Variants in DUOXA2 observed in about 807,000 individuals in gnomAD.
The protein encoded by DUOXA2 is dual oxidase maturation factor 2.
A neutral mutation model predicts 27.6 loss-of-function variants in DUOXA2; 22 were observed. The observed-to-expected ratio is 0.80, with a 90% confidence interval of 0.57 to 1.14. The LOEUF (loss-of-function observed/expected upper bound fraction) is 1.14, where lower values mean the gene tolerates loss of function less well. DUOXA2 is among the 50% of genes most tolerant of loss of function. The pLI is 0.00. For synonymous variants in DUOXA2, 188 were observed against 184.4 expected (o/e 1.02, Z -0.16); for missense variants, 481 against 419.9 (o/e 1.15, Z -1.27).
Position 45,116,688 on chromosome 15 carries a change from C to G in DUOXA2, c.513C>G (p.His171Gln). The G allele has an allele frequency of 1.2e-6, 2 of 1,613,698 alleles. No individual in the cohort carries two copies. The highest frequency in any genetic ancestry group is 1.7e-6 in the Non-Finnish European group (2 of 1,180,048). The change falls in exon 4 of 6, where the codon CAC becomes CAG. Residue 171 changes from histidine (H) to glutamine (Q), a missense_variant. His to Gln is a conservative substitution (Grantham distance 24, BLOSUM62 0). Coordinates refer to ENST00000323030, the MANE Select transcript of DUOXA2 (RefSeq NM_207581.4). ...CGAGTAGCCCTTGCGGCCTGTACCA[C>G]CAGTACCACCTGGCGGGACACTACG... ...FTPSSPCGLY[H>Q]QYHLAGHYAS...
At chr15:45,117,428 C>G (rs1022768283) in intron 5 of DUOXA2, 123 bp downstream of exon 5, 29 of 1,522,898 alleles carry the variant, frequency 1.9e-5, no homozygotes, top group Admixed American at 4.1e-5. Context: ...CTCAATAGTT[C>G]GCAGAAACAG....
intron 1 of DUOXA2, 84 bp downstream of exon 1, chr15:45,114,836 T>C (rs1894563614): frequency 6.3e-7 from 1 of 1,594,866 alleles, no homozygotes; most frequent in African/African-American, 1.3e-5. Flanking sequence ...CAGGTAAGAC[T>C]GTACAAGAGC....
Position 45,114,389 on chromosome 15 carries a change from G to T in DUOXA2, c.-217G>T, listed in dbSNP as rs924946430. On this transcript the variant is annotated 5_prime_UTR_variant, in exon 1 of 6. Coordinates refer to ENST00000323030, the MANE Select transcript of DUOXA2 (RefSeq NM_207581.4). ...ACAGTGAGAAATAGTTTCGCTCGCC[G>T]GCTAGAAAAACTCTGTCGGTACCAA... The T allele has an allele frequency of 1.6e-6, 1 of 616,150 alleles. No individual in the cohort carries two copies. Among genetic ancestry groups the T allele is most frequent in the East Asian group, 2.8e-5 (1 of 35,610 alleles). 38.2% of individuals were successfully genotyped at this position (616,150 alleles called of 1,614,324 possible). A position where few individuals can be genotyped will look rare whatever the true frequency, so the allele number is the denominator to read the frequency against.
intron 3 of DUOXA2, 28 bp downstream of exon 3, chr15:45,116,286 C>A: frequency 6.2e-7 from 1 of 1,612,100 alleles, no homozygotes; most frequent in Non-Finnish European, 8.5e-7. Flanking sequence ...AAATGAACTC[C>A]TGGAGCTGGG....
intron 4 of DUOXA2, 23 bp from the exon 5 acceptor site, chr15:45,117,068 C>A (rs1213900638): frequency 1.3e-6 from 2 of 1,595,818 alleles, no homozygotes; most frequent in African/African-American, 1.3e-5. Flanking sequence ...CCGCTCACAG[C>A]GGGTCCCCCC....
At chr15:45,116,791 C>G (rs1894656931) in intron 4 of DUOXA2, 62 bp downstream of exon 4, 1 of 1,573,466 alleles carries the variant, frequency 6.4e-7, no homozygotes, top group Admixed American at 1.8e-5. Context: ...GCCGTATGAG[C>G]GGGAGGATGC....
intron 1 of DUOXA2, among the ~76,000 whole-genome samples, chr15:45,114,957 A>G (rs1179154657): frequency 6.6e-6 from 1 of 152,190 alleles, no homozygotes; most frequent in Non-Finnish European, 1.5e-5. Flanking sequence ...ATCCTGGAGA[A>G]GGACCCCAGC....
In DUOXA2 at chr15:45,116,652, G is replaced by A; in HGVS notation, c.477G>A (p.Glu159=). The change falls in exon 4 of 6, where the codon GAG becomes GAA. Residue 159 remains glutamate (E), a synonymous_variant. Coordinates refer to ENST00000323030, the MANE Select transcript of DUOXA2 (RefSeq NM_207581.4). ...GLPDPVLYLA[E]KFTPSSPCGL... ...CGGACCCAGTGCTCTACCTGGCGGA[G>A]AAGTTCACACCGAGTAGCCCTTGCG... 1 of 1,613,878 alleles carries A rather than the reference G, an allele frequency of 6.2e-7. No homozygotes were observed. The highest frequency in any genetic ancestry group is 8.5e-7 in the Non-Finnish European group (1 of 1,180,054).
At position 45,116,612 on chromosome 15, in the gene DUOXA2, T is replaced by A. The variant is rs747893714; in HGVS notation, c.437T>A (p.Leu146Gln). The A allele has an allele frequency of 6.2e-7, 1 of 1,614,012 alleles. No homozygotes were observed. The highest frequency in any genetic ancestry group is 1.1e-5 in the South Asian group (1 of 91,080). The part of the protein sequence containing the change: ...ENYAAEYANA[L>Q]EKGLPDPVLY... The stretch of plus-strand genomic sequence containing the variant: ...TACGCCGCGGAGTACGCGAACGCAC[T>A]GGAGAAGGGGCTGCCGGACCCAGTG... The change falls in exon 4 of 6, where the codon CTG becomes CAG. Residue 146 changes from leucine (L) to glutamine (Q), a missense_variant. Transcript: ENST00000323030.
At chr15:45,116,762 T>A in intron 4 of DUOXA2, 33 bp downstream of exon 4, 1 of 1,607,870 alleles carries the variant, frequency 6.2e-7, no homozygotes, top group Non-Finnish European at 8.5e-7. Flanking sequence ...TGTGCACGTG[T>A]GTGTGTGCCA....
In DUOXA2 at chr15:45,117,598, C is replaced by A. The variant is rs374391508; in HGVS notation, c.770-118C>A. On this transcript the variant is annotated intron_variant, in intron 5 of 5. Coordinates refer to ENST00000323030, the MANE Select transcript of DUOXA2 (RefSeq NM_207581.4). ...AAGGCCCGGGCATCACGCCTGTAATCCCAGCACTTTGGGAGGTCGAGGCAG... is the reference window on the plus strand; with the variant it reads ...AAGGCCCGGGCATCACGCCTGTAATACCAGCACTTTGGGAGGTCGAGGCAG... 1.7e-5 allele frequency: 27 copies of A among 1,612,854 alleles called. No homozygotes were observed. The African/African-American group carries it at 3.2e-4, about 19-fold the overall frequency.
In DUOXA2 at chr15:45,117,870, C is replaced by T. The variant is rs1346796358; in HGVS notation, c.924C>T (p.Ala308=). 7 of 1,613,514 alleles carry T rather than the reference C, an allele frequency of 4.3e-6. No homozygotes were observed. The highest frequency in any genetic ancestry group is 5.9e-6 in the Non-Finnish European group (7 of 1,180,038). Residue 308 remains alanine, a synonymous_variant, in exon 6 of 6, where the codon GCC becomes GCT. Coordinates refer to ENST00000323030, the MANE Select transcript of DUOXA2 (RefSeq NM_207581.4). The stretch of plus-strand genomic sequence containing the variant: ...TCGGCGACCCACTGCACAAGCAGGC[C>T]GCTCTCCCAGACTTAAAATGTATCA... The part of the protein sequence containing the change: ...LILGDPLHKQ[A]ALPDLKCITT...
Position 45,117,707 on chromosome 15 carries a change from CCG to C in DUOXA2, c.770-7_770-6del. Reference sequence around the variant, plus strand: ...ATGCCCTCCTTTCTTTCGATCCCCACCGCCACAGGCGTCCTGTGCCTCTTCCT... The same window carrying C: ...ATGCCCTCCTTTCTTTCGATCCCCACCCACAGGCGTCCTGTGCCTCTTCCT... On this transcript the variant is annotated splice_region_variant and splice_polypyrimidine_tract_variant and intron_variant, in intron 5 of 5. Coordinates refer to ENST00000323030, the MANE Select transcript of DUOXA2 (RefSeq NM_207581.4). The C allele has an allele frequency of 6.2e-7, 1 of 1,613,606 alleles. No individual in the cohort carries two copies. The highest frequency in any genetic ancestry group is 1.1e-5 in the South Asian group (1 of 91,050).
At chr15:45,116,381 AT>A in intron 3 of DUOXA2, 123 bp downstream of exon 3, 1 of 1,565,722 alleles carries the variant, frequency 6.4e-7, no homozygotes, top group Non-Finnish European at 8.7e-7. Flanking sequence ...GTCCTCGTGG[AT>A]TTGCGTTTTC....
chr15:45,117,735 C>T lies in DUOXA2; in HGVS notation c.789C>T (p.Leu263=). The T allele has an allele frequency of 1.2e-6, 2 of 1,612,870 alleles. No homozygotes were observed. The highest frequency in any genetic ancestry group is 1.3e-5 in the African/African-American group (1 of 75,044). The change falls in exon 6 of 6, where the codon CTC becomes CTT. Residue 263 remains leucine, a synonymous_variant. Transcript: ENST00000323030. ...TLATGVLCLF[L]GGAVVSLQYV... ...CCACAGGCGTCCTGTGCCTCTTCCT[C>T]GGAGGGGCCGTGGTGAGTCTCCAGT... is the stretch of plus-strand genomic sequence containing the variant.
intron 2 of DUOXA2, 60 bp downstream of exon 2, chr15:45,115,916 G>A (rs2141164679): frequency 6.2e-7 from 1 of 1,607,626 alleles, no homozygotes; most frequent in East Asian, 2.2e-5. Context: ...TGGGCAGAGG[G>A]CACCTGGGAC....
chr15:45,117,415 C>A, intron 5 of DUOXA2, 110 bp downstream of exon 5: 2 of 1,515,662 alleles, frequency 1.3e-6, no homozygotes, highest in African/African-American at 1.4e-5. Flanking sequence ...CCTATTTGCC[C>A]CTCTCAATAG....
rs772086933 is a variant in DUOXA2 at position 45,117,211 on chromosome 15, C to T, written c.675C>T (p.Ala225=). 13 of 1,609,858 alleles carry T rather than the reference C, an allele frequency of 8.1e-6. No individual in the cohort carries two copies. The highest frequency in any genetic ancestry group is 5.1e-6 in the Non-Finnish European group (6 of 1,179,810). ...AFALFGVFAL[A]SISSVPLCPL... ...CGCTCTTCGGGGTCTTCGCCTTGGCCTCCATCTCTAGCGTGCCGCTCTGCC... is the reference window on the plus strand; with the variant it reads ...CGCTCTTCGGGGTCTTCGCCTTGGCTTCCATCTCTAGCGTGCCGCTCTGCC... Residue 225 remains alanine (A), a synonymous_variant, in exon 5 of 6, where the codon GCC becomes GCT. Coordinates refer to ENST00000323030, the MANE Select transcript of DUOXA2 (RefSeq NM_207581.4).
In DUOXA2 at chr15:45,116,149, C is replaced by T. The variant is rs200536870; in HGVS notation, c.231C>T (p.Phe77=). The change falls in exon 3 of 6, where the codon TTC becomes TTT. Residue 77 remains phenylalanine (F), a synonymous_variant. Transcript: ENST00000323030. ...CTGTGCACTTCAGTGCAGAATGGTT[C>T]GTGGGTACAGTGAACACCAACACAT... ...IVAVHFSAEW[F]VGTVNTNTSY... 3.7e-5 allele frequency: 60 copies of T among 1,606,352 alleles called. No individual in the cohort carries two copies. Among genetic ancestry groups the T allele is most frequent in the African/African-American group, 1.3e-4 (10 of 74,808 alleles).
Sources: allele counts gnomAD v4.1 joint callset (sites outside exome capture counted in the v4.1 genomes callset), GRCh38; gene constraint gnomAD v4.1.1; transcripts MANE v1.5; gene names NCBI Gene and HGNC (gene_info 2026-07-23, HGNC 2026-07-21).